The following MAMLD1 variants were observed in gnomAD, a reference collection of about 807,000 sequenced individuals.
MAMLD1 encodes the protein mastermind-like domain-containing protein 1.
MAMLD1 carries 14 observed loss-of-function variants against 45.0 expected under a neutral mutation model. The observed-to-expected ratio is 0.31, with a 90% CI of 0.21 to 0.49. The LOEUF is 0.49. Ranked by LOEUF, MAMLD1 falls within the 20% of genes least tolerant of loss-of-function variation. The pLI, the probability that MAMLD1 is intolerant of heterozygous loss-of-function variation, is 0.99. For synonymous variants in MAMLD1, 254 were observed against 247.8 expected, an observed-to-expected ratio of 1.02 and a Z score of -0.24; for missense variants, 543 against 603.6, an observed-to-expected ratio of 0.90 and a Z score of 1.05.
chrX:150,403,497 G>T (rs1296676111), intron 1 of MAMLD1, among the ~76,000 whole-genome samples: 1 of 111,927 alleles, frequency 8.9e-6, no homozygotes, highest in Non-Finnish European at 1.9e-5. Flanking sequence ...TTGCAGGCTT[G>T]AAATCATATT....
Position 150,513,198 on chromosome X carries a change from C to A in MAMLD1, c.*1239C>A, listed in dbSNP as rs1325671689. 8.9e-6 allele frequency: 5 copies of A among 562,080 alleles called. No homozygotes were observed. The highest frequency in any genetic ancestry group is 1.1e-5 in the Non-Finnish European group (4 of 372,986). The allele number at this position is 562,080 out of a possible 1,213,427, so 46.3% of individuals were successfully genotyped here. ...GTTGTCAGCCCATGCTTATCCCTCT[C>A]TCTACCTGTGACAAAATGGAAAGCT... On this transcript the variant is annotated 3_prime_UTR_variant, in exon 8 of 8. Transcript: ENST00000370401.
chrX:150,424,636 G>A (rs781887094), intron 1 of MAMLD1, among the ~76,000 whole-genome samples: 1 of 112,440 alleles, frequency 8.9e-6, no homozygotes, highest in East Asian at 2.8e-4. Context: ...AAACTTAAAA[G>A]ATTTTGTTGT....
chrX:150,453,280 A>T (rs1215634855), intron 2 of MAMLD1, among the ~76,000 whole-genome samples: 2 of 112,324 alleles, frequency 1.8e-5, no homozygotes, highest in Non-Finnish European at 3.8e-5. Context: ...CCAGTCATTA[A>T]CATATTGTCT....
chrX:150,441,057 A>G (rs1305264408), intron 1 of MAMLD1, among the ~76,000 whole-genome samples: 3 of 104,376 alleles, frequency 2.9e-5, no homozygotes, highest in African/African-American at 6.8e-5. Flanking sequence ...TATTATTAAT[A>G]TTATGTTTAT....
chrX:150,483,511 G>C (rs5970262), intron 5 of MAMLD1, among the ~76,000 whole-genome samples: 266 of 112,759 alleles, frequency 2.4e-3, no homozygotes, highest in African/African-American at 8.3e-3. Context: ...AGGAAGTATT[G>C]ATAGACACTC....
chrX:150,504,184 C>T (rs1166194521), intron 6 of MAMLD1: 31 of 752,353 alleles, frequency 4.1e-5, no homozygotes, highest in Non-Finnish European at 4.7e-5. Flanking sequence ...CTTGACTTGC[C>T]CCCAGAGTCG....
intron 1 of MAMLD1, among the ~76,000 whole-genome samples, chrX:150,376,845 T>A (rs2032339981): frequency 9.4e-6 from 1 of 106,032 alleles, no homozygotes; most frequent in South Asian, 4.2e-4. Context: ...CTGTTTTAGG[T>A]TTGACTTCAT....
chrX:150,375,883 T>G (rs1237234644), intron 1 of MAMLD1, among the ~76,000 whole-genome samples: 4 of 111,263 alleles, frequency 3.6e-5, no homozygotes, highest in African/African-American at 6.5e-5. Context: ...AAAATGAGAG[T>G]AGTTTGTAAA....
intron 1 of MAMLD1, among the ~76,000 whole-genome samples, chrX:150,370,980 G>T (rs1356693359): frequency 9.0e-6 from 1 of 111,327 alleles, no homozygotes; most frequent in African/African-American, 3.3e-5. Context: ...GCCCAGATTG[G>T]CTATCTTGAG....
intron 1 of MAMLD1, 25 bp from the exon 2 acceptor site, chrX:150,445,429 A>G: frequency 1.6e-6 from 1 of 619,777 alleles, no homozygotes; most frequent in Admixed American, 2.4e-5. Flanking sequence ...TATCTGAAAG[A>G]CAGTGTACTT....
chrX:150,415,675 G>T lies in MAMLD1; in HGVS notation c.-63-29779G>T, dbSNP rs782350907. On this transcript the variant is annotated intron_variant, in intron 1 of 7. Coordinates refer to ENST00000370401, the MANE Select transcript of MAMLD1 (RefSeq NM_005491.5). The stretch of plus-strand genomic sequence containing the variant: ...TTGATAATCAACTATGCTTACAGTC[G>T]AGGAATGGTAGTGGATGACATTCCA... Among the ~76,000 whole-genome samples, 29 of 112,160 alleles carry T rather than the reference G, an allele frequency of 2.6e-4. 1 individual carries two copies. The South Asian group carries it at 0.011, about 42-fold the overall frequency.
intron 2 of MAMLD1, among the ~76,000 whole-genome samples, chrX:150,446,047 T>C (rs1261869537): frequency 8.9e-6 from 1 of 111,892 alleles, no homozygotes; most frequent in African/African-American, 3.3e-5. Flanking sequence ...TTTCTGGCCC[T>C]GTTGTCCTTT....
intron 2 of MAMLD1, among the ~76,000 whole-genome samples, chrX:150,453,898 T>C (rs1274637925): frequency 8.9e-6 from 1 of 112,198 alleles, no homozygotes; most frequent in Non-Finnish European, 1.9e-5. Flanking sequence ...CACTATTTTT[T>C]CAGTCTTTGA....
At position 150,512,589 on chromosome X, in the gene MAMLD1, A is replaced by G; in HGVS notation, c.*630A>G. 8.7e-7 allele frequency: 1 copy of G among 1,153,684 alleles called. No individual in the cohort carries two copies. Among genetic ancestry groups the G allele is most frequent in the African/African-American group, 1.8e-5 (1 of 56,463 alleles). ...ATGGGAACACAAGTGCCCCTGGCCA[A>G]CAACCCCAGCTTCAGCCTGCTGGGC... On this transcript the variant is annotated 3_prime_UTR_variant, in exon 8 of 8. Transcript: ENST00000370401.
chrX:150,502,032 T>C (rs185771446), intron 5 of MAMLD1, among the ~76,000 whole-genome samples: 176 of 112,665 alleles, frequency 1.6e-3, no homozygotes, highest in African/African-American at 5.6e-3. Flanking sequence ...TAGATGGCTA[T>C]TTATACAGAT....
intron 4 of MAMLD1, among the ~76,000 whole-genome samples, chrX:150,472,432 A>C (rs1267729206): frequency 8.9e-6 from 1 of 112,563 alleles, no homozygotes; most frequent in Non-Finnish European, 1.9e-5. Context: ...CTAAGGCTGC[A>C]GTCATCTCAA....
chrX:150,495,068 TG>T lies in MAMLD1; in HGVS notation c.2041-8204del, dbSNP rs782001151. On this transcript the variant is annotated intron_variant, in intron 5 of 7. Coordinates refer to ENST00000370401, the MANE Select transcript of MAMLD1 (RefSeq NM_005491.5). ...TAAAAATACAAAAATTAGCCAGGCATGGTGGCATGTGCCTGTAATCCTAGCT... is the reference window on the plus strand; with the variant it reads ...TAAAAATACAAAAATTAGCCAGGCATGTGGCATGTGCCTGTAATCCTAGCT... Among the ~76,000 whole-genome samples the T allele has an allele frequency of 1.1e-3, 127 of 111,476 alleles. 1 individual carries two copies. The highest frequency in any genetic ancestry group is 4.6e-3 in the Middle Eastern group (1 of 217).
chrX:150,506,755 T>C (rs1368008214), intron 6 of MAMLD1, among the ~76,000 whole-genome samples: 1 of 112,618 alleles, frequency 8.9e-6, no homozygotes, highest in Admixed American at 9.4e-5. Context: ...ATGTGGTAGC[T>C]GGTGAGTGAA....
intron 2 of MAMLD1, among the ~76,000 whole-genome samples, chrX:150,448,803 A>G (rs899019209): frequency 5.4e-5 from 6 of 111,838 alleles, no homozygotes; most frequent in Admixed American, 1.9e-4. Context: ...TAGTACTCCA[A>G]TTTGAGAGTG....
Sources: allele counts gnomAD v4.1 joint callset (sites outside exome capture counted in the v4.1 genomes callset), GRCh38; gene constraint gnomAD v4.1.1; transcripts MANE v1.5; gene names NCBI Gene and HGNC (gene_info 2026-07-23, HGNC 2026-07-21).